The following GAS1 variants were observed in gnomAD, a reference collection of about 807,000 sequenced individuals.
GAS1 encodes the protein growth arrest specific 1.
Under a neutral mutation model 21.6 loss-of-function variants are expected in GAS1, and 10 were observed. The observed-to-expected ratio is 0.46, with a 90% CI of 0.29 to 0.79. The LOEUF (loss-of-function observed/expected upper bound fraction) is 0.79. Among genes scored for constraint, GAS1 ranks in the 30% least tolerant of loss-of-function variants. The pLI, the probability that GAS1 is intolerant of heterozygous loss-of-function variation, is 0.10. For synonymous variants in GAS1, 332 were observed against 264.0 expected, an observed-to-expected ratio of 1.26 and a Z score of -2.50; for missense variants, 567 against 544.3, an observed-to-expected ratio of 1.04 and a Z score of -0.42.
At position 86,946,524 on chromosome 9, in the gene GAS1, C is replaced by T. The variant is rs754995675; in HGVS notation, c.256G>A (p.Gly86Arg). The change falls in exon 1 of 1, where the codon GGG becomes AGG. Residue 86 changes from glycine to arginine, a missense_variant. Physicochemically the swap from Gly to Arg is moderately radical, Grantham distance 125. Transcript: ENST00000298743. The surrounding 1 kb of genome is among the most constrained non-coding windows in gnomAD (Gnocchi z 5.2). ...GCCGGGAAAGCGGCGGCGGCGGCCC[C>T]GGGCGCGTCGCCCCCGCCGTGCTGC... ...LAQHGGGDAP[G>R]AAAAAFPASA... The T allele has an allele frequency of 9.8e-6, 14 of 1,426,058 alleles. No individual in the cohort carries two copies. The East Asian group carries it at 2.5e-4, about 25-fold the overall frequency. The allele number at this position is 1,426,058 out of a possible 1,614,324, so 88.3% of individuals were successfully genotyped here.
chr9:86,946,558 C>G lies in GAS1; in HGVS notation c.222G>C (p.Pro74=), dbSNP rs1279244739. Residue 74 remains proline (P), a synonymous_variant, in exon 1 of 1, where the codon CCG becomes CCC. Transcript: ENST00000298743. The surrounding 1 kb of genome is among the most constrained non-coding windows in gnomAD (Gnocchi z 5.2). ...CGCCCCCGCCGTGCTGCGCCAGCAC[C>G]GGCGCGCACGCCTCGGCGTACTGGT... The part of the protein sequence containing the change: ...AYNQYAEACA[P]VLAQHGGGDA... 1.4e-6 allele frequency: 2 copies of G among 1,393,476 alleles called. No individual in the cohort carries two copies. Among genetic ancestry groups the G allele is most frequent in the Non-Finnish European group, 1.9e-6 (2 of 1,077,498 alleles). 86.3% of individuals were successfully genotyped at this position (1,393,476 alleles called of 1,614,324 possible).
Position 86,946,414 on chromosome 9 carries a change from C to T in GAS1, c.366G>A (p.Gly122=), listed in dbSNP as rs1379830561. The T allele has an allele frequency of 1.3e-5, 20 of 1,491,864 alleles. No homozygotes were observed. Among genetic ancestry groups the T allele is most frequent in the African/African-American group, 1.5e-5 (1 of 68,820 alleles). The allele number at this position is 1,491,864 out of a possible 1,614,324, so 92.4% of individuals were successfully genotyped here. ...ALIQLNHTRR[G]PALEDCDCAQ... ...CGCAGTCACAGTCCTCCAGGGCGGG[C>T]CCGCGGCGCGTGTGGTTGAGCTGAA... Residue 122 remains glycine (G), a synonymous_variant, in exon 1 of 1, where the codon GGG becomes GGA. Coordinates refer to ENST00000298743, the MANE Select transcript of GAS1 (RefSeq NM_002048.3). The surrounding 1 kb of genome is among the most constrained non-coding windows in gnomAD (Gnocchi z 5.2).
At position 86,946,735 on chromosome 9, in the gene GAS1, C is replaced by T; in HGVS notation, c.45G>A (p.Gly15=). Residue 15 remains glycine (G), a synonymous_variant, in exon 1 of 1, where the codon GGG becomes GGA. Coordinates refer to ENST00000298743, the MANE Select transcript of GAS1 (RefSeq NM_002048.3). This position sits in a 1 kb window ranked among gnomAD's most constrained non-coding sequence, Gnocchi z 5.2. ...LLGGGGEARG[G]TVPGAWLCLM... is the part of the protein sequence containing the mutation. ...GGCACAGCCAGGCGCCCGGCACTGT[C>T]CCCCCGCGGGCCTCGCCGCCGCCGC... The T allele has an allele frequency of 2.3e-6, 3 of 1,295,370 alleles. No homozygotes were observed. The highest frequency in any genetic ancestry group is 3.0e-6 in the Non-Finnish European group (3 of 1,001,466). 80.2% of individuals were successfully genotyped at this position (1,295,370 alleles called of 1,614,324 possible). A position where few individuals can be genotyped will look rare whatever the true frequency, so the allele number is the denominator to read the frequency against.
At position 86,946,808 on chromosome 9, in the gene GAS1, A is replaced by AG. The variant is rs1825505784; in HGVS notation, c.-30dup. 3.0e-6 allele frequency: 2 copies of AG among 659,354 alleles called. No individual in the cohort carries two copies. The highest frequency in any genetic ancestry group is 4.6e-6 in the Non-Finnish European group (2 of 439,124). The allele number at this position is 659,354 out of a possible 1,614,324, so 40.8% of individuals were successfully genotyped here. A position where few individuals can be genotyped will look rare whatever the true frequency, so the allele number is the denominator to read the frequency against. ...GGGCAGCGGCGGCCGCCGGGAGAGGAGGGGAAAGGAGACGAGGCGCGGGGA... is the reference window on the plus strand; with the variant it reads ...GGGCAGCGGCGGCCGCCGGGAGAGGAGGGGGAAAGGAGACGAGGCGCGGGGA... On this transcript the variant is annotated 5_prime_UTR_variant, in exon 1 of 1. Coordinates refer to ENST00000298743, the MANE Select transcript of GAS1 (RefSeq NM_002048.3). This position sits in a 1 kb window ranked among gnomAD's most constrained non-coding sequence, Gnocchi z 5.2.
In GAS1 at chr9:86,946,349, T is replaced by C. The variant is rs1216245443; in HGVS notation, c.431A>G (p.Glu144Gly). Residue 144 changes from glutamate to glycine, a missense_variant, in exon 1 of 1, where the codon GAG becomes GGG. Glu to Gly is a moderately conservative substitution (Grantham distance 98, BLOSUM62 -2). Coordinates refer to ENST00000298743, the MANE Select transcript of GAS1 (RefSeq NM_002048.3). This position sits in a 1 kb window ranked among gnomAD's most constrained non-coding sequence, Gnocchi z 5.2. The part of the protein sequence containing the change: ...ENCKSTKRAI[E>G]PCLPRTSGGG... ...GCCGCTCGTCCGGGGCAGGCACGGC[T>C]CAATGGCGCGCTTGGTGGACTTGCA... 6.8e-7 allele frequency: 1 copy of C among 1,463,654 alleles called. No homozygotes were observed. Among genetic ancestry groups the C allele is most frequent in the Non-Finnish European group, 9.0e-7 (1 of 1,110,086 alleles). The allele number at this position is 1,463,654 out of a possible 1,614,324, so 90.7% of individuals were successfully genotyped here.
At position 86,946,721 on chromosome 9, in the gene GAS1, G is replaced by A; in HGVS notation, c.59C>T (p.Ala20Val). Residue 20 changes from alanine to valine, a missense_variant, in exon 1 of 1, where the codon GCC becomes GTC. Transcript: ENST00000298743. This position sits in a 1 kb window ranked among gnomAD's most constrained non-coding sequence, Gnocchi z 5.2. Reference protein sequence around the residue: ...GEARGGTVPGAWLCLMALLQL... With the variant: ...GEARGGTVPGVWLCLMALLQL... The stretch of plus-strand genomic sequence containing the variant: ...CAGCAGCGCCATCAGGCACAGCCAG[G>A]CGCCCGGCACTGTCCCCCCGCGGGC... 1 of 1,379,924 alleles carries A rather than the reference G, an allele frequency of 7.2e-7. No individual in the cohort carries two copies. Among genetic ancestry groups the A allele is most frequent in the Non-Finnish European group, 9.4e-7 (1 of 1,058,830 alleles). The allele number at this position is 1,379,924 out of a possible 1,614,324, so 85.5% of individuals were successfully genotyped here.
Position 86,946,470 on chromosome 9 carries a change from G to C in GAS1, c.310C>G (p.Arg104Gly). The C allele has an allele frequency of 6.8e-7, 1 of 1,468,068 alleles. No homozygotes were observed. The highest frequency in any genetic ancestry group is 9.0e-7 in the Non-Finnish European group (1 of 1,112,958). 90.9% of individuals were successfully genotyped at this position (1,468,068 alleles called of 1,614,324 possible). A position where few individuals can be genotyped will look rare whatever the true frequency, so the allele number is the denominator to read the frequency against. The change falls in exon 1 of 1, where the codon CGC (arginine) becomes GGC (glycine). Residue 104 changes from arginine to glycine, a missense_variant. Transcript: ENST00000298743. The surrounding 1 kb of genome is among the most constrained non-coding windows in gnomAD (Gnocchi z 5.2). ...ASAASFSSRW[R>G]CPSHCISALI... ...GCCGAGATGCAGTGACTCGGGCAGCGCCAGCGCGACGAGAAAGAGGCGGCC... is the reference window on the plus strand; with the variant it reads ...GCCGAGATGCAGTGACTCGGGCAGCCCCAGCGCGACGAGAAAGAGGCGGCC...
At position 86,946,514 on chromosome 9, in the gene GAS1, G is replaced by A. The variant is rs1825492662; in HGVS notation, c.266C>T (p.Ala89Val). ...HGGGDAPGAA[A>V]AAFPASAASF... ...GGCGGCCGAGGCCGGGAAAGCGGCGGCGGCGGCCCCGGGCGCGTCGCCCCC... is the reference window on the plus strand; with the variant it reads ...GGCGGCCGAGGCCGGGAAAGCGGCGACGGCGGCCCCGGGCGCGTCGCCCCC... The change falls in exon 1 of 1, where the codon GCC becomes GTC. Residue 89 changes from alanine (A) to valine (V), a missense_variant. By Grantham distance (64) the Ala-to-Val change is moderately conservative (BLOSUM62 0). Transcript: ENST00000298743. The surrounding 1 kb of genome is among the most constrained non-coding windows in gnomAD (Gnocchi z 5.2). 2 of 1,438,570 alleles carry A rather than the reference G, an allele frequency of 1.4e-6. No homozygotes were observed. Among genetic ancestry groups the A allele is most frequent in the South Asian group, 1.4e-5 (1 of 73,946 alleles). 89.1% of individuals were successfully genotyped at this position (1,438,570 alleles called of 1,614,324 possible). A position where few individuals can be genotyped will look rare whatever the true frequency, so the allele number is the denominator to read the frequency against.
Position 86,945,503 on chromosome 9 carries a change from T to C in GAS1, c.*239A>G. 2.6e-6 allele frequency: 1 copy of C among 391,122 alleles called. No individual in the cohort carries two copies. Among genetic ancestry groups the C allele is most frequent in the South Asian group, 6.1e-5 (1 of 16,380 alleles). 24.2% of individuals were successfully genotyped at this position (391,122 alleles called of 1,614,324 possible). A position where few individuals can be genotyped will look rare whatever the true frequency, so the allele number is the denominator to read the frequency against. ...AGACGAGTTGGGAGTTTCTGGAGCT[T>C]GGAATTGGGGCGGGGGAGGAGGTCC... is the stretch of plus-strand genomic sequence containing the variant. On this transcript the variant is annotated 3_prime_UTR_variant, in exon 1 of 1. Coordinates refer to ENST00000298743, the MANE Select transcript of GAS1 (RefSeq NM_002048.3).
Position 86,945,853 on chromosome 9 carries a change from C to G in GAS1, c.927G>C (p.Leu309=). ...GAAASGGRGD[L]PYGPGRRSSG... is the part of the protein sequence containing the mutation. Reference sequence around the variant, plus strand: ...TGCTCCTGCGCCCAGGCCCATAGGGCAGGTCCCCGCGGCCGCCCGATGCAG... The same window carrying G: ...TGCTCCTGCGCCCAGGCCCATAGGGGAGGTCCCCGCGGCCGCCCGATGCAG... The change falls in exon 1 of 1, where the codon CTG becomes CTC. Residue 309 remains leucine, a synonymous_variant. Transcript: ENST00000298743. 1.9e-5 allele frequency: 28 copies of G among 1,486,782 alleles called. No homozygotes were observed. Among genetic ancestry groups the G allele is most frequent in the Non-Finnish European group, 2.5e-5 (28 of 1,124,700 alleles). The allele number at this position is 1,486,782 out of a possible 1,614,324, so 92.1% of individuals were successfully genotyped here.
rs1825496141 is a variant in GAS1 at position 86,946,564 on chromosome 9, G to A, written c.216C>T (p.Cys72=). ...CGCCGTGCTGCGCCAGCACCGGCGC[G>A]CACGCCTCGGCGTACTGGTTGTAGG... ...SYAYNQYAEA[C]APVLAQHGGG... is the part of the protein sequence containing the mutation. Residue 72 remains cysteine, a synonymous_variant, in exon 1 of 1, where the codon TGC becomes TGT. Transcript: ENST00000298743. The surrounding 1 kb of genome is among the most constrained non-coding windows in gnomAD (Gnocchi z 5.2). 2.9e-6 allele frequency: 4 copies of A among 1,395,190 alleles called. No individual in the cohort carries two copies. The highest frequency in any genetic ancestry group is 1.6e-5 in the South Asian group (1 of 64,280). The allele number at this position is 1,395,190 out of a possible 1,614,324, so 86.4% of individuals were successfully genotyped here.
chr9:86,944,368 G>A lies in GAS1; in HGVS notation c.*1374C>T, dbSNP rs1486192828. The A allele has an allele frequency of 6.6e-6, 1 of 151,668 alleles. No homozygotes were observed. The highest frequency in any genetic ancestry group is 6.6e-5 in the Admixed American group (1 of 15,196). The allele number at this position is 151,668 out of a possible 1,614,324, so 9.4% of individuals were successfully genotyped here. A position where few individuals can be genotyped will look rare whatever the true frequency, so the allele number is the denominator to read the frequency against. On this transcript the variant is annotated 3_prime_UTR_variant, in exon 1 of 1. Coordinates refer to ENST00000298743, the MANE Select transcript of GAS1 (RefSeq NM_002048.3). ...GGAAAGTAACTACACCATATTCATTGTTTAAAACTCTTTACTGATGTACAT... is the reference window on the plus strand; with the variant it reads ...GGAAAGTAACTACACCATATTCATTATTTAAAACTCTTTACTGATGTACAT...
chr9:86,946,151 A>C lies in GAS1; in HGVS notation c.629T>G (p.Met210Arg). The C allele has an allele frequency of 6.2e-7, 1 of 1,608,794 alleles. No homozygotes were observed. The highest frequency in any genetic ancestry group is 8.5e-7 in the Non-Finnish European group (1 of 1,179,652). The change falls in exon 1 of 1, where the codon ATG becomes AGG. Residue 210 changes from methionine to arginine, a missense_variant. Transcript: ENST00000298743. The surrounding 1 kb of genome is among the most constrained non-coding windows in gnomAD (Gnocchi z 5.2). ...TDECRTVIED[M>R]LAMPKAALLN... ...CAGCGCCGCCTTGGGCATAGCCAGC[A>C]TGTCCTCAATGACGGTGCGGCATTC...
chr9:86,944,723 A>T lies in GAS1; in HGVS notation c.*1019T>A, dbSNP rs1172007932. ...AGTTTAAAACTTTTAATTTCTTTTT[A>T]AAAATAAATTATTTCTGAAGCATAC... is the stretch of plus-strand genomic sequence containing the variant. On this transcript the variant is annotated 3_prime_UTR_variant, in exon 1 of 1. Coordinates refer to ENST00000298743, the MANE Select transcript of GAS1 (RefSeq NM_002048.3). 2.0e-5 allele frequency: 3 copies of T among 152,208 alleles called. No homozygotes were observed. The highest frequency in any genetic ancestry group is 2.9e-5 in the Non-Finnish European group (2 of 68,034). The allele number at this position is 152,208 out of a possible 1,614,324, so 9.4% of individuals were successfully genotyped here. A position where few individuals can be genotyped will look rare whatever the true frequency, so the allele number is the denominator to read the frequency against.
rs1381919075 is a variant in GAS1 at position 86,946,492 on chromosome 9, G to A, written c.288C>T (p.Ala96=). 6.9e-7 allele frequency: 1 copy of A among 1,446,682 alleles called. No homozygotes were observed. The highest frequency in any genetic ancestry group is 1.3e-5 in the South Asian group (1 of 75,126). 89.6% of individuals were successfully genotyped at this position (1,446,682 alleles called of 1,614,324 possible). Residue 96 remains alanine, a synonymous_variant, in exon 1 of 1, where the codon GCC becomes GCT. Transcript: ENST00000298743. This position sits in a 1 kb window ranked among gnomAD's most constrained non-coding sequence, Gnocchi z 5.2. ...AGCGCCAGCGCGACGAGAAAGAGGC[G>A]GCCGAGGCCGGGAAAGCGGCGGCGG... ...GAAAAAFPAS[A]ASFSSRWRCP...
chr9:86,945,947 G>C lies in GAS1; in HGVS notation c.833C>G (p.Ala278Gly). The C allele has an allele frequency of 1.3e-6, 2 of 1,593,850 alleles. No individual in the cohort carries two copies. The highest frequency in any genetic ancestry group is 1.7e-6 in the Non-Finnish European group (2 of 1,173,038). ...GTCGTCCAGCGGCTGCTCACCACCC[G>C]CGCCCCCGGTGCGCTGCTCGTCATC... ...DYDDEQRTGGAGGEQPLDDDD... is the reference protein window; with the variant it reads ...DYDDEQRTGGGGGEQPLDDDD... The change falls in exon 1 of 1, where the codon GCG (alanine) becomes GGG (glycine). Residue 278 changes from alanine (A) to glycine (G), a missense_variant. Physicochemically the swap from Ala to Gly is moderately conservative, Grantham distance 60 (BLOSUM62 0). Coordinates refer to ENST00000298743, the MANE Select transcript of GAS1 (RefSeq NM_002048.3).
chr9:86,945,487 G>C lies in GAS1; in HGVS notation c.*255C>G, dbSNP rs1563988294. 1 of 379,754 alleles carries C rather than the reference G, an allele frequency of 2.6e-6. No individual in the cohort carries two copies. 23.5% of individuals were successfully genotyped at this position (379,754 alleles called of 1,614,324 possible). A position where few individuals can be genotyped will look rare whatever the true frequency, so the allele number is the denominator to read the frequency against. ...TAGCTTTCTGGACGGCAGACGAGTT[G>C]GGAGTTTCTGGAGCTTGGAATTGGG... On this transcript the variant is annotated 3_prime_UTR_variant, in exon 1 of 1. Coordinates refer to ENST00000298743, the MANE Select transcript of GAS1 (RefSeq NM_002048.3).
chr9:86,946,510 G>C lies in GAS1; in HGVS notation c.270C>G (p.Ala90=). 1.4e-6 allele frequency: 2 copies of C among 1,434,810 alleles called. No individual in the cohort carries two copies. The highest frequency in any genetic ancestry group is 1.4e-5 in the South Asian group (1 of 73,272). 88.9% of individuals were successfully genotyped at this position (1,434,810 alleles called of 1,614,324 possible). ...AAGAGGCGGCCGAGGCCGGGAAAGC[G>C]GCGGCGGCGGCCCCGGGCGCGTCGC... ...GGGDAPGAAA[A]AFPASAASFS... is the part of the protein sequence containing the mutation. The change falls in exon 1 of 1, where the codon GCC becomes GCG. Residue 90 remains alanine (A), a synonymous_variant. Transcript: ENST00000298743. The surrounding 1 kb of genome is among the most constrained non-coding windows in gnomAD (Gnocchi z 5.2).
In GAS1 at chr9:86,946,443, G is replaced by T; in HGVS notation, c.337C>A (p.Leu113Ile). 1 of 1,483,918 alleles carries T rather than the reference G, an allele frequency of 6.7e-7. No homozygotes were observed. The highest frequency in any genetic ancestry group is 8.9e-7 in the Non-Finnish European group (1 of 1,121,216). 91.9% of individuals were successfully genotyped at this position (1,483,918 alleles called of 1,614,324 possible). A position where few individuals can be genotyped will look rare whatever the true frequency, so the allele number is the denominator to read the frequency against. ...WRCPSHCISALIQLNHTRRGP... is the reference protein window; with the variant it reads ...WRCPSHCISAIIQLNHTRRGP... ...CGGCGCGTGTGGTTGAGCTGAATGA[G>T]GGCCGAGATGCAGTGACTCGGGCAG... Residue 113 changes from leucine (L) to isoleucine (I), a missense_variant, in exon 1 of 1, where the codon CTC (leucine) becomes ATC (isoleucine). Physicochemically the swap from Leu to Ile is conservative, Grantham distance 5 (BLOSUM62 2). Transcript: ENST00000298743. The surrounding 1 kb of genome is among the most constrained non-coding windows in gnomAD (Gnocchi z 5.2).
Sources: allele counts gnomAD v4.1 joint callset, GRCh38; gene constraint gnomAD v4.1.1; non-coding constraint Gnocchi (gnomAD v3.1); transcripts MANE v1.5; gene names NCBI Gene and HGNC (gene_info 2026-07-23, HGNC 2026-07-21).